The following SYNE1 variants were observed in gnomAD, a reference collection of about 807,000 sequenced individuals.
SYNE1 encodes nesprin-1.
In SYNE1, 616 loss-of-function variants were observed where a neutral mutation model predicts 1,111.0. That is an observed-to-expected ratio of 0.55 (90% CI 0.52 to 0.59). SYNE1 has a LOEUF of 0.59. SYNE1 is among the 20% of genes least tolerant of loss of function. SYNE1 has a pLI of 0.00. For missense variants in SYNE1, 10,006 were observed against 10,417.0 expected, an observed-to-expected ratio of 0.96 and a Z score of 1.72; for synonymous variants, 3,855 against 3,825.8, an observed-to-expected ratio of 1.01 and a Z score of -0.28.
At position 152,168,045 on chromosome 6, in the gene SYNE1, G is replaced by C. The variant is rs78594564; in HGVS notation, c.23628-3720C>G. 6.8e-5 allele frequency: 53 copies of C among 780,478 alleles called. No homozygotes were observed. The Admixed American group carries it at 8.0e-4, about 12-fold the overall frequency. The allele number at this position is 780,478 out of a possible 1,614,324, so 48.3% of individuals were successfully genotyped here. ...ACAGTTCTGGATTAAGGCTTCCAGCGTCTATCCTACAAACCCCACGTAACA... is the reference window on the plus strand; with the variant it reads ...ACAGTTCTGGATTAAGGCTTCCAGCCTCTATCCTACAAACCCCACGTAACA... On this transcript the variant is annotated intron_variant, in intron 130 of 145. Transcript: ENST00000367255.
At chr6:152,434,242 A>T in intron 33 of SYNE1, 1 of 358,688 alleles carries the variant, frequency 2.8e-6, no homozygotes. Flanking sequence ...ATCTAATTAA[A>T]CTCTGCATGT....
intron 130 of SYNE1, among the ~76,000 whole-genome samples, chr6:152,169,288 A>G (rs1287324475): frequency 6.6e-6 from 1 of 151,990 alleles, no homozygotes; most frequent in African/African-American, 2.4e-5. Flanking sequence ...AAAGAAATAC[A>G]TTGGTGGCTC....
intron 8 of SYNE1, among the ~76,000 whole-genome samples, chr6:152,507,633 A>G (rs1197339614): frequency 6.6e-6 from 1 of 152,188 alleles, no homozygotes. Flanking sequence ...TGCCCAATTT[A>G]TAAGCATTTC....
In SYNE1 at chr6:152,169,758, C is replaced by G. The variant is rs77310612; in HGVS notation, c.23628-5433G>C. Among the ~76,000 whole-genome samples the G allele has an allele frequency of 9.3e-5, 14 of 150,760 alleles. No individual in the cohort carries two copies. The East Asian group carries it at 2.7e-3, about 29-fold the overall frequency. Reference sequence around the variant, plus strand: ...GAGGCTGCAGTGAGCCATTACTGCACCAGTGCACTACAGCCTGGGTGACAG... The same window carrying G: ...GAGGCTGCAGTGAGCCATTACTGCAGCAGTGCACTACAGCCTGGGTGACAG... On this transcript the variant is annotated intron_variant, in intron 130 of 145. Transcript: ENST00000367255.
chr6:152,277,331 G>A (rs1441507723), intron 98 of SYNE1, among the ~76,000 whole-genome samples: 5 of 133,720 alleles, frequency 3.7e-5, no homozygotes, highest in Non-Finnish European at 6.1e-5. Context: ...AGACTGGAGT[G>A]CAGTGATATA....
intron 128 of SYNE1, among the ~76,000 whole-genome samples, chr6:152,183,266 T>C (rs1005742770): frequency 3.9e-5 from 6 of 152,144 alleles, no homozygotes; most frequent in African/African-American, 7.2e-5. Flanking sequence ...CCCGGTTCAA[T>C]TGATGGCCAA....
Position 152,231,965 on chromosome 6 carries a change from T to C in SYNE1, c.20862+151A>G, listed in dbSNP as rs916815148. ...TATTTCTTCTTATTTCTATAACTGA[T>C]AATGCATTTTTCTTGCTATTGAATT... is the stretch of plus-strand genomic sequence containing the variant. On this transcript the variant is annotated intron_variant, in intron 113 of 145. Transcript: ENST00000367255. The C allele has an allele frequency of 1.5e-5, 9 of 581,338 alleles. No individual in the cohort carries two copies. In the African/African-American group the frequency reaches 1.7e-4, roughly 11 times the overall value. The allele number at this position is 581,338 out of a possible 1,614,324, so 36.0% of individuals were successfully genotyped here.
At chr6:152,473,628 C>T (rs1253140960) in intron 14 of SYNE1, among the ~76,000 whole-genome samples, 1 of 152,144 alleles carries the variant, frequency 6.6e-6, no homozygotes, top group Non-Finnish European at 1.5e-5. Context: ...AAGCCAAGAA[C>T]TCATCACAGG....
intron 4 of SYNE1, among the ~76,000 whole-genome samples, chr6:152,529,211 A>G (rs907920411): frequency 2.0e-5 from 3 of 152,248 alleles, no homozygotes; most frequent in African/African-American, 7.2e-5. Context: ...TATCTAAGTC[A>G]TAGAAATACC....
chr6:152,510,874 G>GT, intron 7 of SYNE1, 137 bp downstream of exon 7: 1 of 842,070 alleles, frequency 1.2e-6, no homozygotes, highest in Admixed American at 1.7e-5. Context: ...AAGAAACAAC[G>GT]TATGTGTGAA....
chr6:152,332,292 T>C (rs934518160), intron 77 of SYNE1, among the ~76,000 whole-genome samples: 5 of 152,186 alleles, frequency 3.3e-5, no homozygotes, highest in African/African-American at 1.2e-4. Flanking sequence ...ACCATTTCTT[T>C]AAGTGGATCT....
At chr6:152,255,442 TATAA>T in intron 103 of SYNE1, 145 bp downstream of exon 103, 2 of 970,144 alleles carry the variant, frequency 2.1e-6, no homozygotes, top group Non-Finnish European at 3.2e-6. Context: ...AAATGCGAAC[TATAA>T]ATATTCTGCA....
intron 3 of SYNE1, among the ~76,000 whole-genome samples, chr6:152,597,112 A>T (rs1276256374): frequency 6.6e-6 from 1 of 152,256 alleles, no homozygotes; most frequent in Non-Finnish European, 1.5e-5. Flanking sequence ...ATTTACACAC[A>T]CTTGCTCTGG....
chr6:152,264,206 C>CAAAAAAAAAA (rs56714685), intron 100 of SYNE1, among the ~76,000 whole-genome samples: 1 of 45,896 alleles, frequency 2.2e-5, no homozygotes, highest in African/African-American at 9.0e-5. Flanking sequence ...GACTCCATCT[C>CAAAAAAAAAA]AAAAAAAAAA....
intron 115 of SYNE1, among the ~76,000 whole-genome samples, chr6:152,229,394 A>T (rs1490799112): frequency 2.0e-5 from 3 of 152,202 alleles, no homozygotes; most frequent in Admixed American, 2.0e-4. Flanking sequence ...GAGTCACTGG[A>T]AAACATTTGG....
intron 59 of SYNE1, among the ~76,000 whole-genome samples, chr6:152,371,845 CAGGAAAGGAA>C (rs71017534): frequency 0.069 from 4,049 of 58,272 alleles, 136 homozygotes; most frequent in Admixed American, 0.12. Context: ...CAGGACAGGA[CAGGAAAGGAA>C]AGGAAAGGAA....
intron 3 of SYNE1, among the ~76,000 whole-genome samples, chr6:152,596,155 G>A (rs1265416545): frequency 2.1e-5 from 3 of 146,224 alleles, no homozygotes; most frequent in South Asian, 4.3e-4. Context: ...TCCCTGGGTG[G>A]AACTTAGAGA....
intron 101 of SYNE1, among the ~76,000 whole-genome samples, chr6:152,257,610 T>G (rs1554288694): frequency 6.6e-6 from 1 of 151,980 alleles, no homozygotes; most frequent in Non-Finnish European, 1.5e-5. Context: ...ATAAATGACA[T>G]TAAGACATAA....
At chr6:152,152,339 A>T (rs1303280514) in intron 133 of SYNE1, among the ~76,000 whole-genome samples, 198 bp from the exon 134 acceptor site, 1 of 152,212 alleles carries the variant, frequency 6.6e-6, no homozygotes, top group Non-Finnish European at 1.5e-5. Context: ...GAAAGGGAGA[A>T]TCTATCAAAA....
Sources: gnomAD v4.1 joint callset for allele counts (sites outside exome capture counted in the v4.1 genomes callset) on GRCh38, gnomAD v4.1.1 for gene constraint, MANE v1.5 for transcripts, NCBI Gene and HGNC (gene_info 2026-07-23, HGNC 2026-07-21) for gene names.